The following DTNBP1 variants were observed in gnomAD, a reference collection of about 807,000 sequenced individuals.
DTNBP1 encodes dysbindin.
A neutral mutation model predicts 42.8 loss-of-function variants in DTNBP1; 35 were observed. The observed-to-expected ratio is 0.82, with a 90% CI of 0.63 to 1.09. The LOEUF is 1.09. Ranked by LOEUF, DTNBP1 falls within the 50% of genes least tolerant of loss-of-function variation. The pLI is 0.00. For missense variants in DTNBP1, 457 were observed against 424.2 expected (o/e 1.08, Z -0.68); for synonymous variants, 171 against 162.2 (o/e 1.05, Z -0.41).
At chr6:15,561,072 C>T (rs1774817513) in intron 7 of DTNBP1, among the ~76,000 whole-genome samples, 1 of 152,166 alleles carries the variant, frequency 6.6e-6, no homozygotes, top group Admixed American at 6.5e-5. Flanking sequence ...CTATAGTACA[C>T]CTGTTACTAG....
At chr6:15,597,686 C>T (rs143731255) in intron 6 of DTNBP1, among the ~76,000 whole-genome samples, 1 of 152,298 alleles carries the variant, frequency 6.6e-6, no homozygotes, top group Non-Finnish European at 1.5e-5. Flanking sequence ...ATCGTCTCTA[C>T]AGTTCCTGAA....
At chr6:15,655,425 A>C (rs1458375641) in intron 1 of DTNBP1, among the ~76,000 whole-genome samples, 3 of 152,172 alleles carry the variant, frequency 2.0e-5, no homozygotes, top group Non-Finnish European at 4.4e-5. Flanking sequence ...ATATCCAGCC[A>C]AAAAACATTT....
chr6:15,529,232 C>G (rs769893930), intron 8 of DTNBP1, among the ~76,000 whole-genome samples: 8 of 152,210 alleles, frequency 5.3e-5, no homozygotes, highest in Admixed American at 2.6e-4. Context: ...CTGCAATGAG[C>G]TATGACCACG....
chr6:15,524,163 T>A (rs775750244), intron 9 of DTNBP1: 2 of 1,429,078 alleles, frequency 1.4e-6, no homozygotes, highest in Admixed American at 2.1e-5. Flanking sequence ...GAGGGAAGAG[T>A]TTCCCGTGAG....
chr6:15,528,536 G>A (rs774426130), intron 8 of DTNBP1, among the ~76,000 whole-genome samples: 21 of 152,178 alleles, frequency 1.4e-4, no homozygotes, highest in East Asian at 1.9e-4. Flanking sequence ...GAATGGAGCC[G>A]AAAAGAGAGG....
chr6:15,658,372 G>A (rs1761399703), intron 1 of DTNBP1, among the ~76,000 whole-genome samples: 1 of 152,174 alleles, frequency 6.6e-6, no homozygotes, highest in Non-Finnish European at 1.5e-5. Context: ...TTGTAATTTA[G>A]ATGACTGGCT....
intron 7 of DTNBP1, among the ~76,000 whole-genome samples, chr6:15,567,457 GAAACAAACAAAC>G (rs59351095): frequency 0.11 from 16,959 of 150,022 alleles, 1,016 homozygotes; most frequent in Non-Finnish European, 0.13. Flanking sequence ...TGTCTCTCGG[GAAACAAACAAAC>G]AAACAAACAA....
intron 7 of DTNBP1, among the ~76,000 whole-genome samples, chr6:15,559,501 A>G (rs1398754333): frequency 6.6e-6 from 1 of 152,222 alleles, no homozygotes; most frequent in African/African-American, 2.4e-5. Context: ...TTCATTGGCT[A>G]GACTGAGAAG....
At chr6:15,537,168 C>A (rs940800830) in intron 7 of DTNBP1, among the ~76,000 whole-genome samples, 3 of 152,170 alleles carry the variant, frequency 2.0e-5, no homozygotes, top group African/African-American at 7.2e-5. Context: ...CGCCTGTAAT[C>A]CCAACACTTT....
At chr6:15,558,937 T>C (rs978676641) in intron 7 of DTNBP1, among the ~76,000 whole-genome samples, 2 of 152,374 alleles carry the variant, frequency 1.3e-5, no homozygotes, top group Middle Eastern at 3.4e-3. Context: ...TTTCTCACTT[T>C]ATGTGTTTTT....
chr6:15,631,995 G>C (rs1759722455), intron 4 of DTNBP1, among the ~76,000 whole-genome samples: 1 of 152,144 alleles, frequency 6.6e-6, no homozygotes, highest in African/African-American at 2.4e-5. Flanking sequence ...AATCTAATGA[G>C]TGAAAATTTG....
chr6:15,534,817 C>A (rs1231071695), intron 7 of DTNBP1, among the ~76,000 whole-genome samples: 2 of 151,972 alleles, frequency 1.3e-5, no homozygotes, highest in African/African-American at 2.4e-5. Flanking sequence ...GAAATATTAA[C>A]CCAATATTGA....
intron 7 of DTNBP1, among the ~76,000 whole-genome samples, chr6:15,575,579 C>G (rs1775526991): frequency 6.6e-6 from 1 of 152,210 alleles, no homozygotes; most frequent in Non-Finnish European, 1.5e-5. Flanking sequence ...GAAGAAGTAG[C>G]TACCAGAGCT....
chr6:15,546,913 T>G (rs1465789858), intron 7 of DTNBP1, among the ~76,000 whole-genome samples: 1 of 136,012 alleles, frequency 7.4e-6, no homozygotes, highest in Non-Finnish European at 1.5e-5. Flanking sequence ...AGCAGCTTTT[T>G]CTTTCTTTCT....
chr6:15,524,300 C>T (rs139053920), intron 9 of DTNBP1: 46 of 1,610,090 alleles, frequency 2.9e-5, no homozygotes, highest in East Asian at 1.3e-4. Context: ...CCAAAGTTAC[C>T]GGAGTGGAGC....
At chr6:15,652,242 C>CATGT in intron 1 of DTNBP1, 102 bp from the exon 2 acceptor site, 4 of 892,740 alleles carry the variant, frequency 4.5e-6, no homozygotes, top group Non-Finnish European at 5.2e-6. Flanking sequence ...AGTGCAGTGA[C>CATGT]ATGTACATTA....
Position 15,522,810 on chromosome 6 carries a change from A to T in DTNBP1, c.*165T>A. On this transcript the variant is annotated 3_prime_UTR_variant, in exon 10 of 10. Transcript: ENST00000344537. ...AACTAGCTCTGTGCGCTCTCAGTTT[A>T]CCGTCCTCACACTTTATTGTTAGCT... The T allele has an allele frequency of 8.2e-7, 1 of 1,226,886 alleles. No homozygotes were observed. Among genetic ancestry groups the T allele is most frequent in the Non-Finnish European group, 1.2e-6 (1 of 864,996 alleles). The allele number at this position is 1,226,886 out of a possible 1,614,324, so 76.0% of individuals were successfully genotyped here.
At chr6:15,650,578 G>A (rs902836042) in intron 3 of DTNBP1, among the ~76,000 whole-genome samples, 1 of 152,080 alleles carries the variant, frequency 6.6e-6, no homozygotes, top group Non-Finnish European at 1.5e-5. Flanking sequence ...CACCGCGACC[G>A]GCCTCATTGT....
chr6:15,638,617 C>T (rs1212659850), intron 3 of DTNBP1, among the ~76,000 whole-genome samples: 5 of 152,170 alleles, frequency 3.3e-5, no homozygotes, highest in Admixed American at 2.6e-4. Context: ...ACAGTGTTAA[C>T]TGAGGACAAA....
Sources: gnomAD v4.1 joint callset for allele counts (sites outside exome capture counted in the v4.1 genomes callset) on GRCh38, gnomAD v4.1.1 for gene constraint, MANE v1.5 for transcripts, NCBI Gene and HGNC (gene_info 2026-07-23, HGNC 2026-07-21) for gene names.